The following SPTLC1 variants were observed in gnomAD, a reference collection of about 807,000 sequenced individuals.
SPTLC1 encodes the protein serine palmitoyltransferase 1.
SPTLC1 carries 55 observed loss-of-function variants against 68.9 expected under a neutral mutation model. The ratio of observed to expected loss-of-function variants is 0.80; its 90% CI spans 0.64 to 1.00. The LOEUF (loss-of-function observed/expected upper bound fraction) is 1.00. Ranked by LOEUF, SPTLC1 falls within the 50% of genes least tolerant of loss-of-function variation. The pLI, the probability that SPTLC1 is intolerant of heterozygous loss-of-function variation, is 0.00. For synonymous variants in SPTLC1, 197 were observed against 201.6 expected (o/e 0.98, Z 0.19); for missense variants, 449 against 573.1 (o/e 0.78, Z 2.21).
At chr9:92,092,302 A>G (rs1835389288) in intron 3 of SPTLC1, among the ~76,000 whole-genome samples, 1 of 152,238 alleles carries the variant, frequency 6.6e-6, no homozygotes. Context: ...ATCATCCAGA[A>G]CATGTTTTTT....
Position 92,059,289 on chromosome 9 carries a change from C to T in SPTLC1, c.580G>A (p.Ala194Thr), listed in dbSNP as rs1431181960. Reference protein sequence around the residue: ...IVFVDRAACFAIQKGLQASRS... With the variant: ...IVFVDRAACFTIQKGLQASRS... Reference sequence around the variant, plus strand: ...GATGCCTGTAATCCTTTCTGAATAGCAAAGCAGGCAGCTCTATCTCTGCAA... The same window carrying T: ...GATGCCTGTAATCCTTTCTGAATAGTAAAGCAGGCAGCTCTATCTCTGCAA... Residue 194 changes from alanine (A) to threonine (T), a missense_variant, in exon 7 of 15, where the codon GCT becomes ACT. Around this residue, in one of 3 missense-constraint regions of SPTLC1, gnomAD observed 391 missense variants for 472.1 expected, o/e 0.83. Coordinates refer to ENST00000262554, the MANE Select transcript of SPTLC1 (RefSeq NM_006415.4). The T allele has an allele frequency of 1.2e-6, 2 of 1,613,930 alleles. No homozygotes were observed. The highest frequency in any genetic ancestry group is 2.7e-5 in the African/African-American group (2 of 74,910).
chr9:92,091,523 A>G (rs1835361166), intron 3 of SPTLC1, among the ~76,000 whole-genome samples: 1 of 152,262 alleles, frequency 6.6e-6, no homozygotes, highest in Non-Finnish European at 1.5e-5. Flanking sequence ...ATTTTTGAAT[A>G]TATTATTTGC....
rs980296879 is a variant in SPTLC1, at chr9:92,049,949, G to A, written c.888+11C>T. The A allele has an allele frequency of 1.9e-6, 3 of 1,558,042 alleles. No individual in the cohort carries two copies. Among genetic ancestry groups the A allele is most frequent in the African/African-American group, 2.7e-5 (2 of 72,926 alleles). On this transcript the variant is annotated intron_variant, in intron 9 of 14. Coordinates refer to ENST00000262554, the MANE Select transcript of SPTLC1 (RefSeq NM_006415.4). ...TAAGAGGGGAAACGTTCTTAAAAAAGGGGAACTTACATTGATTCCATAGTG... is the reference window on the plus strand; with the variant it reads ...TAAGAGGGGAAACGTTCTTAAAAAAAGGGAACTTACATTGATTCCATAGTG...
chr9:92,049,008 G>C (rs1001953653), intron 9 of SPTLC1, among the ~76,000 whole-genome samples: 13 of 152,216 alleles, frequency 8.5e-5, no homozygotes, highest in Middle Eastern at 3.4e-3. Flanking sequence ...CCTTAAAAAA[G>C]GCTGTAGTGT....
At chr9:92,075,526 GCT>G in intron 5 of SPTLC1, among the ~76,000 whole-genome samples, 2 of 152,262 alleles carry the variant, frequency 1.3e-5, no homozygotes, top group Middle Eastern at 6.8e-3. Flanking sequence ...GCAGGGCTGC[GCT>G]GTAGGAATTC....
At chr9:92,046,380 A>T (rs1833514527) in intron 11 of SPTLC1, 1 of 251,006 alleles carries the variant, frequency 4.0e-6, no homozygotes, top group Admixed American at 4.9e-5. Context: ...CTTTATCCTA[A>T]ACAATTTGGT....
chr9:92,110,991 A>G (rs1266893040), intron 2 of SPTLC1: 2 of 152,160 alleles, frequency 1.3e-5, no homozygotes, highest in African/African-American at 2.4e-5. Flanking sequence ...TTAATCAACC[A>G]AACAATAATT....
At position 92,059,705 on chromosome 9, in the gene SPTLC1, C is replaced by T. The variant is rs76012142; in HGVS notation, c.561-397G>A. Reference sequence around the variant, plus strand: ...CATTATTTTGCCCTGAGAAGTAATACTGGCAGCCCAGCTAGACAGAAAACT... The same window carrying T: ...CATTATTTTGCCCTGAGAAGTAATATTGGCAGCCCAGCTAGACAGAAAACT... On this transcript the variant is annotated intron_variant, in intron 6 of 14. Transcript: ENST00000262554. Among the ~76,000 whole-genome samples the T allele has an allele frequency of 1.8e-4, 28 of 152,322 alleles. No homozygotes were observed. In the East Asian group the frequency reaches 5.2e-3, roughly 28 times the overall value.
In SPTLC1 at chr9:92,032,566, C is replaced by G; in HGVS notation, c.1329-8G>C. 3.1e-6 allele frequency: 5 copies of G among 1,613,326 alleles called. No homozygotes were observed. The highest frequency in any genetic ancestry group is 4.2e-6 in the Non-Finnish European group (5 of 1,180,022). ...GTGACCACAACCCGAATGCTGAGAA[C>G]AGTAAAGGACACAAAGAATTATCTT... On this transcript the variant is annotated splice_region_variant and splice_polypyrimidine_tract_variant and intron_variant, in intron 14 of 14. Coordinates refer to ENST00000262554, the MANE Select transcript of SPTLC1 (RefSeq NM_006415.4).
chr9:92,074,106 C>T (rs988733999), intron 5 of SPTLC1, among the ~76,000 whole-genome samples: 9 of 152,114 alleles, frequency 5.9e-5, no homozygotes, highest in African/African-American at 1.4e-4. Flanking sequence ...CCGAATATCT[C>T]GGAGGCCCCC....
chr9:92,055,319 G>A (rs1359718532), intron 8 of SPTLC1, 86 bp downstream of exon 8: 14 of 1,594,078 alleles, frequency 8.8e-6, no homozygotes, highest in South Asian at 6.7e-5. Flanking sequence ...CAACGCAGAC[G>A]TTATACACTA....
At chr9:92,074,627 AG>A (rs1324344983) in intron 5 of SPTLC1, among the ~76,000 whole-genome samples, 1 of 152,044 alleles carries the variant, frequency 6.6e-6, no homozygotes, top group Non-Finnish European at 1.5e-5. Context: ...ACAGACTTTA[AG>A]GGGCCTAAAG....
chr9:92,092,864 C>T (rs995462470), intron 3 of SPTLC1, among the ~76,000 whole-genome samples: 1 of 152,200 alleles, frequency 6.6e-6, no homozygotes, highest in Non-Finnish European at 1.5e-5. Flanking sequence ...CATTCAGTAG[C>T]AAAACCTGTC....
intron 3 of SPTLC1, among the ~76,000 whole-genome samples, chr9:92,095,547 A>G (rs534822071): frequency 6.6e-6 from 1 of 152,300 alleles, no homozygotes; most frequent in South Asian, 2.1e-4. Flanking sequence ...AACAAGAAAT[A>G]TATGCAGCAA....
chr9:92,109,973 CAAAAAAAAAAAATTCATT>C (rs1836165582), intron 2 of SPTLC1: 1 of 145,328 alleles, frequency 6.9e-6, no homozygotes, highest in African/African-American at 2.5e-5. Flanking sequence ...AACTCTGTCT[CAAAAAAAAAAAATTCATT>C]TTACATCCAA....
intron 3 of SPTLC1, among the ~76,000 whole-genome samples, chr9:92,096,061 G>A (rs1306028973): frequency 1.3e-5 from 2 of 152,202 alleles, no homozygotes; most frequent in Admixed American, 6.5e-5. Context: ...TTAGGTGTGA[G>A]TTACATAATG....
At chr9:92,094,131 A>G (rs1229341115) in intron 3 of SPTLC1, among the ~76,000 whole-genome samples, 2 of 152,244 alleles carry the variant, frequency 1.3e-5, no homozygotes, top group Non-Finnish European at 2.9e-5. Context: ...CAAGTCTTTA[A>G]GAATACAAAC....
chr9:92,112,122 A>G (rs1836272499), intron 2 of SPTLC1, among the ~76,000 whole-genome samples: 1 of 152,222 alleles, frequency 6.6e-6, no homozygotes, highest in African/African-American at 2.4e-5. Context: ...CATACTTCAG[A>G]AATAGTTGTG....
intron 8 of SPTLC1, 56 bp from the exon 9 acceptor site, chr9:92,050,123 A>G: frequency 8.9e-7 from 1 of 1,123,598 alleles, no homozygotes; most frequent in Non-Finnish European, 1.4e-6. Flanking sequence ...AGAACATATT[A>G]TGGAGAAAAA....
Sources: gnomAD v4.1 joint callset for allele counts (sites outside exome capture counted in the v4.1 genomes callset) on GRCh38, gnomAD v4.1.1 for gene constraint, gnomAD v4.1.1 regional missense constraint, MANE v1.5 for transcripts, NCBI Gene and HGNC (gene_info 2026-07-23, HGNC 2026-07-21) for gene names.